The following NALCN variants were observed in gnomAD, a reference collection of about 807,000 sequenced individuals.
NALCN encodes the protein sodium leak channel, non-selective.
In NALCN, 111 loss-of-function variants were observed where a neutral mutation model predicts 225.3. The ratio of observed to expected loss-of-function variants is 0.49; its 90% CI spans 0.42 to 0.58. NALCN has a LOEUF of 0.58. NALCN is among the 20% of genes least tolerant of loss of function. NALCN has a pLI of 0.00. For missense variants in NALCN, 1,378 were observed against 2,202.4 expected (o/e 0.63, Z 7.49); for synonymous variants, 764 against 769.0 (o/e 0.99, Z 0.11).
intron 7 of NALCN, among the ~76,000 whole-genome samples, chr13:101,301,750 A>C (rs825902): frequency 0.069 from 10,525 of 151,508 alleles, 500 homozygotes; most frequent in Non-Finnish European, 0.1. Context: ...AGAAAAAAAA[A>C]AACAAAACCC....
At chr13:101,317,762 T>C (rs923064639) in intron 7 of NALCN, among the ~76,000 whole-genome samples, 6 of 152,226 alleles carry the variant, frequency 3.9e-5, no homozygotes, top group Non-Finnish European at 8.8e-5. Flanking sequence ...GAAGGTTATG[T>C]TTCCTCACCA....
At chr13:101,258,317 A>G in intron 11 of NALCN, 126 bp downstream of exon 11, 2 of 1,348,148 alleles carry the variant, frequency 1.5e-6, no homozygotes, top group Non-Finnish European at 2.0e-6. Flanking sequence ...AGAAGCAGAC[A>G]ATGATTCAGC....
chr13:101,149,165 C>T (rs566757973), intron 15 of NALCN, among the ~76,000 whole-genome samples: 12 of 151,958 alleles, frequency 7.9e-5, no homozygotes, highest in South Asian at 2.1e-4. Context: ...TGGTGGCAGG[C>T]GCCTGTAGTC....
At chr13:101,321,462 G>A (rs535772033) in intron 7 of NALCN, among the ~76,000 whole-genome samples, 1 of 152,148 alleles carries the variant, frequency 6.6e-6, no homozygotes, top group African/African-American at 2.4e-5. Context: ...CATGCTAAGA[G>A]GAAAACAGAT....
At chr13:101,199,793 A>G (rs1412704516) in intron 13 of NALCN, among the ~76,000 whole-genome samples, 1 of 152,156 alleles carries the variant, frequency 6.6e-6, no homozygotes, top group Non-Finnish European at 1.5e-5. Context: ...AACTTAGAGT[A>G]TAAATAAATA....
At chr13:101,277,848 G>C (rs1272522317) in intron 10 of NALCN, among the ~76,000 whole-genome samples, 2 of 152,210 alleles carry the variant, frequency 1.3e-5, no homozygotes, top group Non-Finnish European at 2.9e-5. Context: ...AATATGGAGA[G>C]TTGGGAAACT....
chr13:101,311,187 T>C (rs2044329815), intron 7 of NALCN, among the ~76,000 whole-genome samples: 1 of 151,236 alleles, frequency 6.6e-6, no homozygotes, highest in African/African-American at 2.4e-5. Flanking sequence ...ATAAGAATGC[T>C]TGTGATTTTT....
At chr13:101,380,159 C>T (rs2046809654) in intron 3 of NALCN, among the ~76,000 whole-genome samples, 1 of 151,964 alleles carries the variant, frequency 6.6e-6, no homozygotes, top group Non-Finnish European at 1.5e-5. Flanking sequence ...AAACATCTCT[C>T]AGAAAATGCA....
intron 14 of NALCN, among the ~76,000 whole-genome samples, chr13:101,185,493 C>G (rs1255421310): frequency 1.3e-5 from 2 of 152,168 alleles, no homozygotes. Flanking sequence ...CTTGTTAGGT[C>G]TTCCATAGTC....
chr13:101,076,598 A>C (rs2033268678), intron 34 of NALCN, among the ~76,000 whole-genome samples: 1 of 152,206 alleles, frequency 6.6e-6, no homozygotes, highest in Non-Finnish European at 1.5e-5. Context: ...TAGCCAAATG[A>C]TGACAGTCAC....
intron 7 of NALCN, among the ~76,000 whole-genome samples, chr13:101,343,503 A>C (rs2045622185): frequency 6.6e-6 from 1 of 152,232 alleles, no homozygotes; most frequent in Non-Finnish European, 1.5e-5. Context: ...CCAATGAATT[A>C]AAAAGACATA....
chr13:101,324,510 G>A (rs1188461574), intron 7 of NALCN, among the ~76,000 whole-genome samples: 1 of 152,182 alleles, frequency 6.6e-6, no homozygotes, highest in African/African-American at 2.4e-5. Context: ...TTGTAAGTTA[G>A]ATTCCTAGGT....
chr13:101,107,497 G>C lies in NALCN; in HGVS notation c.2569C>G (p.Arg857Gly), dbSNP rs202228674. 6.2e-7 allele frequency: 1 copy of C among 1,614,094 alleles called. No individual in the cohort carries two copies. ...RNFCRVVVRARFNASKTDPVT... is the reference protein window; with the variant it reads ...RNFCRVVVRAGFNASKTDPVT... ...ATGAAGTGTACTTACGCGTTGAAGC[G>C]TGCTCGGACCACCACCCGGCAAAAG... is the stretch of plus-strand genomic sequence containing the variant. The change falls in exon 22 of 44, where the codon CGC becomes GGC. Residue 857 changes from arginine (R) to glycine (G), a missense_variant. By Grantham distance (125) the Arg-to-Gly change is moderately radical (BLOSUM62 -2). Around this residue, in one of 19 missense-constraint regions of NALCN, gnomAD observed 292 missense variants for 409.5 expected, o/e 0.71. Coordinates refer to ENST00000251127, the MANE Select transcript of NALCN (RefSeq NM_052867.4).
At chr13:101,142,432 G>A (rs1003264389) in intron 17 of NALCN, among the ~76,000 whole-genome samples, 1 of 152,002 alleles carries the variant, frequency 6.6e-6, no homozygotes, top group African/African-American at 2.4e-5. Context: ...GTGAGCCATG[G>A]CACACAGCCC....
chr13:101,076,889 G>C (rs2033291615), intron 34 of NALCN, among the ~76,000 whole-genome samples: 1 of 152,096 alleles, frequency 6.6e-6, no homozygotes, highest in Non-Finnish European at 1.5e-5. Flanking sequence ...GTAGCTTTAG[G>C]TTGCATTTCG....
chr13:101,062,492 C>T (rs1419353446), intron 40 of NALCN, among the ~76,000 whole-genome samples: 1 of 152,152 alleles, frequency 6.6e-6, no homozygotes, highest in Non-Finnish European at 1.5e-5. Context: ...TCACACTTAG[C>T]CCCCCGAGGT....
chr13:101,266,283 A>C lies in NALCN; in HGVS notation c.1135-7709T>G, dbSNP rs536787996. 9.0e-5 allele frequency among the ~76,000 whole-genome samples: 7 copies of C among 78,006 alleles called. No homozygotes were observed. In the East Asian group the frequency reaches 2.5e-3, roughly 28 times the overall value. 51.2% of individuals were successfully genotyped at this position (78,006 alleles called of 152,430 possible). A position where few individuals can be genotyped will look rare whatever the true frequency, so the allele number is the denominator to read the frequency against. On this transcript the variant is annotated intron_variant, in intron 10 of 43. Transcript: ENST00000251127. ...GGAAGGCCTGAAGGTGTAACATAAG[A>C]AATCAGGTGGAAGAGATTAGTAATC...
At chr13:101,344,898 G>A (rs988648494) in intron 7 of NALCN, among the ~76,000 whole-genome samples, 4 of 152,104 alleles carry the variant, frequency 2.6e-5, no homozygotes, top group Middle Eastern at 3.4e-3. Flanking sequence ...TGCCTATTAG[G>A]GTATAGTTAC....
At chr13:101,302,891 GT>G (rs916233240) in intron 7 of NALCN, among the ~76,000 whole-genome samples, 10 of 149,336 alleles carry the variant, frequency 6.7e-5, no homozygotes, top group South Asian at 2.1e-4. Context: ...ACTGGTTTAG[GT>G]TTTTTTTTTC....
Sources: gnomAD v4.1 joint callset for allele counts (sites outside exome capture counted in the v4.1 genomes callset) on GRCh38, gnomAD v4.1.1 for gene constraint, gnomAD v4.1.1 regional missense constraint, MANE v1.5 for transcripts, NCBI Gene and HGNC (gene_info 2026-07-23, HGNC 2026-07-21) for gene names.